The following TASOR variants were observed in gnomAD, a reference collection of about 807,000 sequenced individuals.
TASOR encodes protein TASOR.
A neutral mutation model predicts 178.6 loss-of-function variants in TASOR; 53 were observed. The observed-to-expected ratio is 0.30, with a 90% CI of 0.24 to 0.37. The LOEUF is 0.37. TASOR is among the 10% of genes least tolerant of loss of function. The pLI is 1.00. For missense variants in TASOR, 1,815 were observed against 1,971.4 expected (o/e 0.92, Z 1.50); for synonymous variants, 713 against 696.2 (o/e 1.02, Z -0.38).
chr3:56,682,806 C>T lies in TASOR; in HGVS notation c.201G>A (p.Gln67=). 2 of 1,550,460 alleles carry T rather than the reference C, an allele frequency of 1.3e-6. No individual in the cohort carries two copies. ...REENAGAEAA[Q]SLSHEQPQDS... ...CCTGAGGCTGCTCGTGGCTGAGGCT[C>T]TGGGCGGCCTCGGCCCCCGCGTTCT... Residue 67 remains glutamine, a synonymous_variant, in exon 1 of 24, where the codon CAG becomes CAA. Transcript: ENST00000683822.
In TASOR at chr3:56,669,787, G is replaced by C. The variant is rs1453462507; in HGVS notation, c.648C>G (p.Val216=). 2.6e-6 allele frequency: 4 copies of C among 1,541,528 alleles called. No individual in the cohort carries two copies. Among genetic ancestry groups the C allele is most frequent in the Non-Finnish European group, 1.8e-6 (2 of 1,142,796 alleles). The change falls in exon 5 of 24, where the codon GTC becomes GTG. Residue 216 remains valine, a synonymous_variant. Coordinates refer to ENST00000683822, the MANE Select transcript of TASOR (RefSeq NM_001365635.2). Reference sequence around the variant, plus strand: ...ATAAATCAGCATACCTAGAAAGATAGACACCTAGAAAAGACGGAAAAATTA... The same window carrying C: ...ATAAATCAGCATACCTAGAAAGATACACACCTAGAAAAGACGGAAAAATTA... ...ITILGSPSMG[V]YLSRYADLLQ...
chr3:56,646,716 AAAG>A lies in TASOR; in HGVS notation c.2018_2020del (p.Ser673del). The A allele has an allele frequency of 6.2e-7, 1 of 1,613,960 alleles. No homozygotes were observed. The highest frequency in any genetic ancestry group is 8.5e-7 in the Non-Finnish European group (1 of 1,179,990). ...TTTGACTCTATCCTTATCATAATCC[AAAG>A]AATGAGATGATCTTTGCTTTCCAGA... On this transcript the variant is annotated inframe_deletion, in exon 14 of 24. Coordinates refer to ENST00000683822, the MANE Select transcript of TASOR (RefSeq NM_001365635.2).
chr3:56,668,435 T>A lies in TASOR; in HGVS notation c.859A>T (p.Thr287Ser). 1 of 1,551,702 alleles carries A rather than the reference T, an allele frequency of 6.4e-7. No individual in the cohort carries two copies. Among genetic ancestry groups the A allele is most frequent in the Non-Finnish European group, 8.7e-7 (1 of 1,146,992 alleles). ...TAGGCTCTGTAAGCCAAAAGTGATG[T>A]AATTCGATTGGCATTCTTTGACACG... ...CHVSKNANRI[T>S]SLLAYRAYEL... The change falls in exon 6 of 24, where the codon ACA (threonine) becomes TCA (serine). Residue 287 changes from threonine to serine, a missense_variant. Physicochemically the swap from Thr to Ser is moderately conservative, Grantham distance 58 (BLOSUM62 1). Transcript: ENST00000683822.
In TASOR at chr3:56,668,488, A is replaced by G. The variant is rs1193552880; in HGVS notation, c.806T>C (p.Leu269Ser). 6.4e-7 allele frequency: 1 copy of G among 1,551,666 alleles called. No homozygotes were observed. ...ACATTCATGCTTTGGTGTGGGGTCC[A>G]AAGCACTCTTATTTAACATAGATTC... is the stretch of plus-strand genomic sequence containing the variant. ...SLESMLNKSA[L>S]DPTPKHECHV... The change falls in exon 6 of 24, where the codon TTG (leucine) becomes TCG (serine). Residue 269 changes from leucine to serine, a missense_variant. Around this residue, in one of 5 missense-constraint regions of TASOR, gnomAD observed 504 missense variants for 645.3 expected, o/e 0.78. Transcript: ENST00000683822.
At chr3:56,658,055 T>C (rs1397675733) in intron 11 of TASOR, among the ~76,000 whole-genome samples, 1 of 149,542 alleles carries the variant, frequency 6.7e-6, no homozygotes, top group Non-Finnish European at 1.5e-5. Context: ...CTTGTGTGCA[T>C]TTCTTGGACA....
chr3:56,649,998 T>C (rs774365627), intron 11 of TASOR, among the ~76,000 whole-genome samples: 1 of 152,222 alleles, frequency 6.6e-6, no homozygotes, highest in Non-Finnish European at 1.5e-5. Context: ...CTTGAGAGCA[T>C]ATCCCTTTGA....
chr3:56,628,451 G>A, intron 19 of TASOR, 41 bp downstream of exon 19: 2 of 1,560,802 alleles, frequency 1.3e-6, no homozygotes, highest in East Asian at 2.3e-5. Flanking sequence ...AAATAAGGGA[G>A]TTTTTAAAAC....
chr3:56,668,567 G>A lies in TASOR; in HGVS notation c.736-9C>T. On this transcript the variant is annotated splice_polypyrimidine_tract_variant and intron_variant, in intron 5 of 23. Coordinates refer to ENST00000683822, the MANE Select transcript of TASOR (RefSeq NM_001365635.2). ...ATACTCTTTATTTTACCCTAAAATAGAGAAAACCTTTTAAGTGTCTACCTA... is the reference window on the plus strand; with the variant it reads ...ATACTCTTTATTTTACCCTAAAATAAAGAAAACCTTTTAAGTGTCTACCTA... 1 of 1,524,796 alleles carries A rather than the reference G, an allele frequency of 6.6e-7. No homozygotes were observed. Among genetic ancestry groups the A allele is most frequent in the Non-Finnish European group, 8.8e-7 (1 of 1,133,636 alleles). The allele number at this position is 1,524,796 out of a possible 1,614,324, so 94.5% of individuals were successfully genotyped here.
Position 56,647,230 on chromosome 3 carries a change from A to C in TASOR, c.1514-7T>G. 1 of 1,518,838 alleles carries C rather than the reference A, an allele frequency of 6.6e-7. No individual in the cohort carries two copies. Among genetic ancestry groups the C allele is most frequent in the Non-Finnish European group, 8.8e-7 (1 of 1,140,478 alleles). The allele number at this position is 1,518,838 out of a possible 1,614,324, so 94.1% of individuals were successfully genotyped here. ...TTGGTTGAACCTTTTTGTGCTGTAA[A>C]TAAAACAAACAAACAAAAAAGCAAA... On this transcript the variant is annotated splice_polypyrimidine_tract_variant and splice_region_variant and intron_variant, in intron 13 of 23. Coordinates refer to ENST00000683822, the MANE Select transcript of TASOR (RefSeq NM_001365635.2).
chr3:56,624,694 G>T, intron 22 of TASOR, 51 bp from the exon 23 acceptor site: 1 of 1,553,372 alleles, frequency 6.4e-7, no homozygotes, highest in Non-Finnish European at 8.8e-7. Context: ...AATATAGACA[G>T]CCCCTAGCCC....
chr3:56,646,622 T>C lies in TASOR; in HGVS notation c.2115A>G (p.Arg705=), dbSNP rs753596084. 65 of 1,613,400 alleles carry C rather than the reference T, an allele frequency of 4.0e-5. No homozygotes were observed. The highest frequency in any genetic ancestry group is 5.3e-5 in the Non-Finnish European group (63 of 1,180,016). ...VGGDSDTEDM[R]SKTVLKRKLE... ...GCTTCCTCTTCAAGACAGTTTTGCTTCTCATATCTTCTGTGTCTGAGTCCC... is the reference window on the plus strand; with the variant it reads ...GCTTCCTCTTCAAGACAGTTTTGCTCCTCATATCTTCTGTGTCTGAGTCCC... Residue 705 remains arginine, a synonymous_variant, in exon 14 of 24, where the codon AGA becomes AGG. Transcript: ENST00000683822.
intron 14 of TASOR, among the ~76,000 whole-genome samples, chr3:56,642,976 CA>C (rs941730653): frequency 1.8e-4 from 25 of 135,554 alleles, no homozygotes; most frequent in Non-Finnish European, 1.8e-4. Flanking sequence ...ACTCCATCAC[CA>C]AAAAAAAAAA....
chr3:56,660,731 A>G lies in TASOR; in HGVS notation c.1368T>C (p.Leu456=), dbSNP rs1345154770. 6.8e-6 allele frequency: 11 copies of G among 1,609,308 alleles called. No homozygotes were observed. The Admixed American group carries it at 1.9e-4, about 27-fold the overall frequency. The part of the protein sequence containing the change: ...SLLQKLDREK[L]VLVKPLGDRG... ...AAACATTAAAAAACTTTTCACTCACAAGTTTTTCTCTGTCTAGTTTTTGCA... is the reference window on the plus strand; with the variant it reads ...AAACATTAAAAAACTTTTCACTCACGAGTTTTTCTCTGTCTAGTTTTTGCA... Residue 456 remains leucine (L), a splice_region_variant and synonymous_variant, in exon 11 of 24, where the codon CTT becomes CTC. Transcript: ENST00000683822.
chr3:56,675,078 G>A (rs2031164629), intron 1 of TASOR, among the ~76,000 whole-genome samples: 1 of 152,088 alleles, frequency 6.6e-6, no homozygotes, highest in Non-Finnish European at 1.5e-5. Flanking sequence ...ACCTGCCTCG[G>A]CCTCCCAAAG....
chr3:56,670,679 T>C (rs1304166886), intron 3 of TASOR, among the ~76,000 whole-genome samples: 1 of 152,130 alleles, frequency 6.6e-6, no homozygotes, highest in Non-Finnish European at 1.5e-5. Flanking sequence ...CTCACGCCTG[T>C]AATACCAGCA....
At chr3:56,668,187 T>C (rs1002364932) in intron 6 of TASOR, among the ~76,000 whole-genome samples, 1 of 152,150 alleles carries the variant, frequency 6.6e-6, no homozygotes, top group Admixed American at 6.5e-5. Context: ...AATATTACCC[T>C]GTAACCTTGA....
chr3:56,628,819 A>T (rs1169786848), intron 18 of TASOR: 1 of 375,716 alleles, frequency 2.7e-6, no homozygotes, highest in Non-Finnish European at 4.8e-6. Context: ...GGAGTATAGC[A>T]GCATGATCAC....
chr3:56,652,517 G>A (rs925995705), intron 11 of TASOR, among the ~76,000 whole-genome samples: 9 of 149,400 alleles, frequency 6.0e-5, no homozygotes, highest in South Asian at 4.2e-4. Flanking sequence ...TCACACCACT[G>A]CACTCCAGCC....
intron 7 of TASOR, 37 bp from the exon 8 acceptor site, chr3:56,663,609 A>G: frequency 7.7e-7 from 1 of 1,296,544 alleles, no homozygotes; most frequent in Non-Finnish European, 1.0e-6. Flanking sequence ...AACATTACTC[A>G]TTAGTATAAT....
Sources: allele counts gnomAD v4.1 joint callset (sites outside exome capture counted in the v4.1 genomes callset), GRCh38; gene constraint gnomAD v4.1.1; regional missense constraint gnomAD v4.1.1; transcripts MANE v1.5; gene names NCBI Gene and HGNC (gene_info 2026-07-23, HGNC 2026-07-21).